The following PCNX1 variants were observed in gnomAD, a reference collection of about 807,000 sequenced individuals.
PCNX1 encodes the protein pecanex-like protein 1.
In PCNX1, 78 loss-of-function variants were observed where a neutral mutation model predicts 242.2. The observed-to-expected ratio is 0.32, with a 90% CI of 0.27 to 0.39. PCNX1 has a LOEUF of 0.39. Ranked by LOEUF, PCNX1 falls within the 10% of genes least tolerant of loss-of-function variation. The pLI is 1.00. For missense variants in PCNX1, 2,581 were observed against 2,856.5 expected (o/e 0.90, Z 2.20); for synonymous variants, 1,024 against 1,032.9 (o/e 0.99, Z 0.17).
At chr14:70,968,902 A>T in intron 4 of PCNX1, 119 bp from the exon 5 acceptor site, 2 of 638,350 alleles carry the variant, frequency 3.1e-6, no homozygotes, top group East Asian at 5.2e-5. Context: ...TTTGATACAC[A>T]AAAACTACTT....
rs762672191 is a variant in PCNX1 at position 70,995,723 on chromosome 14, A to G, written c.2445-18A>G. On this transcript the variant is annotated intron_variant, in intron 7 of 35. Transcript: ENST00000304743. ...TTTTCTTCCCTGTAATGTCTCCCCAATCCATGTTTTTTCCTAGCCTTCAAG... is the reference window on the plus strand; with the variant it reads ...TTTTCTTCCCTGTAATGTCTCCCCAGTCCATGTTTTTTCCTAGCCTTCAAG... 2.5e-6 allele frequency: 4 copies of G among 1,610,882 alleles called. No homozygotes were observed. Among genetic ancestry groups the G allele is most frequent in the Non-Finnish European group, 3.4e-6 (4 of 1,177,476 alleles).
intron 1 of PCNX1, among the ~76,000 whole-genome samples, chr14:70,917,562 CA>C (rs1163203834): frequency 1.3e-5 from 2 of 152,116 alleles, no homozygotes; most frequent in Non-Finnish European, 2.9e-5. Flanking sequence ...CAGTAGGTCT[CA>C]AAGATGGGGT....
chr14:71,089,864 T>C (rs1423833347), intron 30 of PCNX1, among the ~76,000 whole-genome samples: 2 of 152,208 alleles, frequency 1.3e-5, no homozygotes, highest in African/African-American at 4.8e-5. Flanking sequence ...TGACAAGATA[T>C]ATTAAATCTT....
In PCNX1 at chr14:70,907,672, T is replaced by A. The variant is rs2055617980; in HGVS notation, c.-179T>A. 1 of 668,588 alleles carries A rather than the reference T, an allele frequency of 1.5e-6. No homozygotes were observed. Among genetic ancestry groups the A allele is most frequent in the South Asian group, 7.0e-5 (1 of 14,300 alleles). 41.4% of individuals were successfully genotyped at this position (668,588 alleles called of 1,614,324 possible). A position where few individuals can be genotyped will look rare whatever the true frequency, so the allele number is the denominator to read the frequency against. On this transcript the variant is annotated 5_prime_UTR_variant, in exon 1 of 36. It adds an upstream start codon to the 5' untranslated region. Transcript: ENST00000304743. ...TCCTCTCGGGTCTCCTCCTCCTCGT[T>A]TGCTGCCTCCTCCTCCTCCTGCAGC...
intron 2 of PCNX1, among the ~76,000 whole-genome samples, chr14:70,952,214 T>G (rs922287353): frequency 7.2e-5 from 11 of 152,190 alleles, no homozygotes; most frequent in African/African-American, 2.4e-4. Context: ...TTTCTGGATA[T>G]TATATATATT....
chr14:71,033,327 A>C, intron 16 of PCNX1, 102 bp from the exon 17 acceptor site: 1 of 591,928 alleles, frequency 1.7e-6, no homozygotes, highest in Non-Finnish European at 2.9e-6. Flanking sequence ...ACTTTTGTTG[A>C]ATTTAAGTTC....
intron 19 of PCNX1, among the ~76,000 whole-genome samples, chr14:71,042,959 A>T (rs1025158008): frequency 6.6e-6 from 1 of 151,914 alleles, no homozygotes; most frequent in South Asian, 2.1e-4. Context: ...TAATTATAGG[A>T]CTCAATAATT....
intron 1 of PCNX1, among the ~76,000 whole-genome samples, chr14:70,924,624 C>T (rs963210060): frequency 1.3e-5 from 2 of 152,048 alleles, no homozygotes; most frequent in African/African-American, 2.4e-5. Flanking sequence ...GTCTAATTCT[C>T]TCACCCAGGC....
At chr14:71,078,292 T>C (rs1285411712) in intron 28 of PCNX1, among the ~76,000 whole-genome samples, 1 of 152,220 alleles carries the variant, frequency 6.6e-6, no homozygotes, top group Admixed American at 6.5e-5. Flanking sequence ...ATTCCCAGAA[T>C]AACCTTTTCC....
intron 28 of PCNX1, among the ~76,000 whole-genome samples, chr14:71,086,021 T>C (rs189018334): frequency 7.2e-5 from 11 of 152,358 alleles, no homozygotes; most frequent in South Asian, 2.1e-4. Flanking sequence ...CTTTTTTCTC[T>C]CTGTATTTCA....
At chr14:71,098,794 T>C (rs1157510373) in intron 30 of PCNX1, among the ~76,000 whole-genome samples, 2 of 152,086 alleles carry the variant, frequency 1.3e-5, no homozygotes, top group Non-Finnish European at 2.9e-5. Flanking sequence ...ATGCCTTTTT[T>C]TCCCCGCTGC....
chr14:71,042,319 T>C (rs569513332), intron 19 of PCNX1, among the ~76,000 whole-genome samples: 23 of 152,294 alleles, frequency 1.5e-4, no homozygotes, highest in African/African-American at 5.1e-4. Flanking sequence ...TTAGCTTTAA[T>C]AATATTTGCC....
At chr14:70,996,062 A>G (rs1361143965) in intron 8 of PCNX1, 137 bp downstream of exon 8, 3 of 620,870 alleles carry the variant, frequency 4.8e-6, no homozygotes, top group African/African-American at 3.7e-5. Context: ...GATTTACCCT[A>G]TGTGTTAGGA....
intron 2 of PCNX1, among the ~76,000 whole-genome samples, chr14:70,958,559 C>T (rs924694703): frequency 1.3e-5 from 2 of 152,140 alleles, no homozygotes; most frequent in Admixed American, 6.5e-5. Flanking sequence ...CTCTTCTTCT[C>T]GCCAGTCTCT....
intron 26 of PCNX1, among the ~76,000 whole-genome samples, chr14:71,058,849 C>G (rs1228474947): frequency 4.6e-5 from 7 of 152,110 alleles, no homozygotes; most frequent in African/African-American, 1.7e-4. Flanking sequence ...ATATCTTATT[C>G]TTGCCTTATG....
chr14:70,977,356 A>G lies in PCNX1; in HGVS notation c.1019A>G (p.Gln340Arg). 2 of 1,614,172 alleles carry G rather than the reference A, an allele frequency of 1.2e-6. No homozygotes were observed. The highest frequency in any genetic ancestry group is 2.2e-5 in the South Asian group (2 of 91,082). Residue 340 changes from glutamine (Q) to arginine (R), a missense_variant, in exon 6 of 36, where the codon CAG becomes CGG. Coordinates refer to ENST00000304743, the MANE Select transcript of PCNX1 (RefSeq NM_014982.3). Reference protein sequence around the residue: ...VENSGLSGEFQLAGDLKINTS... With the variant: ...VENSGLSGEFRLAGDLKINTS... ...AATTCTGGTTTATCTGGGGAATTTC[A>G]GCTTGCTGGTGACTTGAAAATCAAT...
In PCNX1 at chr14:70,962,210, A is replaced by AT. The variant is rs762658367; in HGVS notation, c.363-9dup. 5.4e-6 allele frequency: 8 copies of AT among 1,482,466 alleles called. No homozygotes were observed. Among genetic ancestry groups the AT allele is most frequent in the African/African-American group, 1.4e-5 (1 of 72,248 alleles). The allele number at this position is 1,482,466 out of a possible 1,614,324, so 91.8% of individuals were successfully genotyped here. ...AATAATGACAGTTACTCTTTTTCTC[A>AT]TTTTTTTCTCCACAGTGATCCTGGT... On this transcript the variant is annotated splice_polypyrimidine_tract_variant and intron_variant, in intron 2 of 35. Transcript: ENST00000304743.
chr14:71,032,069 A>G (rs1005050975), intron 16 of PCNX1: 2 of 671,938 alleles, frequency 3.0e-6, no homozygotes, highest in Non-Finnish European at 5.2e-6. Context: ...AGAAGAAGAG[A>G]GAGAGAGAGA....
In PCNX1 at chr14:71,102,115, C is replaced by T; in HGVS notation, c.5715C>T (p.Ala1905=). Reference sequence around the variant, plus strand: ...CTGCATGGCGGAGTGCAGTACTTGCCAACTCTCCCTCCTTGCTTGCTCTGC... The same window carrying T: ...CTGCATGGCGGAGTGCAGTACTTGCTAACTCTCCCTCCTTGCTTGCTCTGC... ...GDPAWRSAVL[A]NSPSLLALRH... is the part of the protein sequence containing the mutation. The change falls in exon 31 of 36, where the codon GCC becomes GCT. Residue 1905 remains alanine, a synonymous_variant. Transcript: ENST00000304743. 1 of 1,614,000 alleles carries T rather than the reference C, an allele frequency of 6.2e-7. No individual in the cohort carries two copies. The highest frequency in any genetic ancestry group is 8.5e-7 in the Non-Finnish European group (1 of 1,179,940).
Sources: gnomAD v4.1 joint callset for allele counts (sites outside exome capture counted in the v4.1 genomes callset) on GRCh38, gnomAD v4.1.1 for gene constraint, MANE v1.5 for transcripts, NCBI Gene and HGNC (gene_info 2026-07-23, HGNC 2026-07-21) for gene names.